DLGAP2: variants seen among roughly 807,000 people sequenced by gnomAD.
DLGAP2 encodes DLG associated protein 2, also known as disks large-associated protein 2.
Under a neutral mutation model 100.3 loss-of-function variants are expected in DLGAP2, and 26 were observed. The observed-to-expected ratio is 0.26, with a 90% CI of 0.19 to 0.36. The LOEUF is 0.36. Ranked by LOEUF, DLGAP2 falls within the 10% of genes least tolerant of loss-of-function variation. The pLI is 1.00. For synonymous variants in DLGAP2, 886 were observed against 630.1 expected (o/e 1.41, Z -6.08); for missense variants, 1,858 against 1,453.2 (o/e 1.28, Z -4.53).
chr8:1,662,317 G>A (rs1798426373), intron 8 of DLGAP2, among the ~76,000 whole-genome samples: 1 of 152,230 alleles, frequency 6.6e-6, no homozygotes, highest in South Asian at 2.1e-4. Context: ...GGGTCATGGA[G>A]TGTCAGGGTA....
intron 3 of DLGAP2, among the ~76,000 whole-genome samples, chr8:1,322,610 C>A (rs1265528630): frequency 6.6e-6 from 1 of 152,154 alleles, no homozygotes; most frequent in Admixed American, 6.5e-5. Flanking sequence ...ACCTGGCGTG[C>A]TGTCTCCTGC....
At chr8:1,570,589 A>C (rs549651381) in intron 6 of DLGAP2, among the ~76,000 whole-genome samples, 1 of 152,196 alleles carries the variant, frequency 6.6e-6, no homozygotes, top group African/African-American at 2.4e-5. Flanking sequence ...AGACGCTGTA[A>C]TGCCCAAGAG....
At chr8:1,636,387 A>T (rs1447795804) in intron 8 of DLGAP2, among the ~76,000 whole-genome samples, 1 of 152,206 alleles carries the variant, frequency 6.6e-6, no homozygotes, top group Non-Finnish European at 1.5e-5. Context: ...TTCTATAGCA[A>T]CTTGTCTCTC....
At chr8:1,274,503 A>T (rs188720737) in intron 3 of DLGAP2, among the ~76,000 whole-genome samples, 86 of 148,648 alleles carry the variant, frequency 5.8e-4, no homozygotes, top group African/African-American at 1.9e-3. Flanking sequence ...GTGACTTTGG[A>T]TTTGTTTTAG....
At chr8:1,275,331 C>G (rs1334645695) in intron 3 of DLGAP2, among the ~76,000 whole-genome samples, 1 of 151,182 alleles carries the variant, frequency 6.6e-6, no homozygotes, top group Non-Finnish European at 1.5e-5. Flanking sequence ...ACCAGGTACA[C>G]TCTCTAGCTC....
intron 2 of DLGAP2, among the ~76,000 whole-genome samples, chr8:1,076,962 G>T (rs1328828765): frequency 6.8e-6 from 1 of 146,024 alleles, no homozygotes; most frequent in African/African-American, 2.6e-5. Context: ...AAGACCAAGA[G>T]GGGGAGGAGG....
chr8:838,273 C>G (rs1796919414), intron 1 of DLGAP2, among the ~76,000 whole-genome samples: 1 of 152,120 alleles, frequency 6.6e-6, no homozygotes, highest in Non-Finnish European at 1.5e-5. Flanking sequence ...CCTCTTTCAG[C>G]ATAACGACTT....
At chr8:1,502,729 C>G (rs190620154) in intron 4 of DLGAP2, among the ~76,000 whole-genome samples, 4 of 152,218 alleles carry the variant, frequency 2.6e-5, no homozygotes, top group Non-Finnish European at 5.9e-5. Flanking sequence ...ATGCACGGGA[C>G]TCATTTGACG....
chr8:1,095,708 G>T (rs960238241), intron 2 of DLGAP2, among the ~76,000 whole-genome samples: 3 of 152,190 alleles, frequency 2.0e-5, no homozygotes, highest in Non-Finnish European at 4.4e-5. Context: ...ACAGTCCCGT[G>T]CTGGAGAAGA....
chr8:1,586,925 G>T lies in DLGAP2; in HGVS notation c.1442+21031G>T, dbSNP rs116743998. Reference sequence around the variant, plus strand: ...AGCTTTTATGCTTTCACCTTCATCAGTGCAGCTAAGGAGATTCTGACTAGA... The same window carrying T: ...AGCTTTTATGCTTTCACCTTCATCATTGCAGCTAAGGAGATTCTGACTAGA... On this transcript the variant is annotated intron_variant, in intron 6 of 14. Coordinates refer to ENST00000637795, the MANE Select transcript of DLGAP2 (RefSeq NM_001346810.2). 7.2e-5 allele frequency among the ~76,000 whole-genome samples: 11 copies of T among 152,302 alleles called. 1 individual carries two copies. The highest frequency in any genetic ancestry group is 2.6e-4 in the African/African-American group (11 of 41,564).
At chr8:1,623,159 G>A (rs984498876) in intron 6 of DLGAP2, among the ~76,000 whole-genome samples, 3 of 152,220 alleles carry the variant, frequency 2.0e-5, no homozygotes, top group African/African-American at 4.8e-5. Context: ...ATCAGAGGAT[G>A]GGATCTTTGG....
intron 2 of DLGAP2, among the ~76,000 whole-genome samples, chr8:1,155,721 C>G (rs537479565): frequency 6.6e-6 from 1 of 152,272 alleles, no homozygotes; most frequent in South Asian, 2.1e-4. Flanking sequence ...CTCACTTCCC[C>G]GTCCGCGCGG....
At chr8:1,440,291 T>TA (rs1340714976) in intron 3 of DLGAP2, among the ~76,000 whole-genome samples, 13 of 152,228 alleles carry the variant, frequency 8.5e-5, no homozygotes, top group Non-Finnish European at 1.5e-4. Context: ...TTCAGGGTGT[T>TA]ACAGTTTATT....
At chr8:1,476,827 C>A (rs1295398361) in intron 3 of DLGAP2, among the ~76,000 whole-genome samples, 1 of 150,924 alleles carries the variant, frequency 6.6e-6, no homozygotes, top group African/African-American at 2.4e-5. Flanking sequence ...TGCTGTCGGC[C>A]ACCCACCAGC....
At position 1,316,349 on chromosome 8, in the gene DLGAP2, G is replaced by A. The variant is rs531354754; in HGVS notation, c.106+57466G>A. Among the ~76,000 whole-genome samples the A allele has an allele frequency of 3.6e-5, 5 of 138,512 alleles. No homozygotes were observed. In the South Asian group the frequency reaches 1.2e-3, roughly 33 times the overall value. 90.9% of individuals were successfully genotyped at this position (138,512 alleles called of 152,430 possible). Reference sequence around the variant, plus strand: ...GTTTAAAAATAGAGCCTGTGCGAGTGCAGCGTCTCTCCAACGGTGGTCTAC... The same window carrying A: ...GTTTAAAAATAGAGCCTGTGCGAGTACAGCGTCTCTCCAACGGTGGTCTAC... On this transcript the variant is annotated intron_variant, in intron 3 of 14. Transcript: ENST00000637795.
intron 1 of DLGAP2, among the ~76,000 whole-genome samples, chr8:754,453 T>C (rs1820870065): frequency 6.6e-6 from 1 of 152,160 alleles, no homozygotes; most frequent in Non-Finnish European, 1.5e-5. Flanking sequence ...TCCTGAAAGG[T>C]TCAGTGAGCT....
intron 2 of DLGAP2, among the ~76,000 whole-genome samples, chr8:1,168,749 T>C (rs1248045427): frequency 7.1e-6 from 1 of 140,886 alleles, no homozygotes; most frequent in African/African-American, 2.8e-5. Flanking sequence ...TCTCGTAAAT[T>C]TGTTTGAGTT....
intron 4 of DLGAP2, among the ~76,000 whole-genome samples, chr8:1,536,624 C>T (rs918066126): frequency 2.6e-5 from 4 of 152,050 alleles, no homozygotes; most frequent in African/African-American, 4.8e-5. Flanking sequence ...TGACTGTCCC[C>T]GAGGGCTCTC....
At position 1,678,313 on chromosome 8, in the gene DLGAP2, C is replaced by A. The variant is rs775631050; in HGVS notation, c.2388C>A (p.Gly796=). 6.2e-7 allele frequency: 1 copy of A among 1,614,018 alleles called. No homozygotes were observed. The highest frequency in any genetic ancestry group is 8.5e-7 in the Non-Finnish European group (1 of 1,179,894). The change falls in exon 12 of 15, where the codon GGC becomes GGA. Residue 796 remains glycine (G), a synonymous_variant. Coordinates refer to ENST00000637795, the MANE Select transcript of DLGAP2 (RefSeq NM_001346810.2). The part of the protein sequence containing the change: ...FPGHITTEDK[G]LQFGSSFQRH... The stretch of plus-strand genomic sequence containing the variant: ...GCCACATCACCACGGAGGACAAAGG[C>A]CTTCAGTTCGGCTCATCCTTCCAGC...
Sources: allele counts gnomAD v4.1 joint callset (sites outside exome capture counted in the v4.1 genomes callset), GRCh38; gene constraint gnomAD v4.1.1; transcripts MANE v1.5; gene names NCBI Gene and HGNC (gene_info 2026-07-23, HGNC 2026-07-21).